Variants in KCNAB2 observed in about 807,000 individuals in gnomAD.
KCNAB2 encodes voltage-gated potassium channel subunit beta-2.
A neutral mutation model predicts 63.6 loss-of-function variants in KCNAB2; 29 were observed. The observed-to-expected ratio is 0.46, with a 90% CI of 0.34 to 0.62. The LOEUF is 0.62. KCNAB2 is among the 20% of genes least tolerant of loss of function. KCNAB2 has a pLI of 0.01. For synonymous variants in KCNAB2, 222 were observed against 224.2 expected (o/e 0.99, Z 0.09); for missense variants, 359 against 563.9 (o/e 0.64, Z 3.68).
At chr1:6,048,508 C>A (rs1661123873) in intron 1 of KCNAB2, among the ~76,000 whole-genome samples, 1 of 152,242 alleles carries the variant, frequency 6.6e-6, no homozygotes, top group South Asian at 2.1e-4. Flanking sequence ...AGAGCTGCCC[C>A]TGTCCAGAAG....
At chr1:6,007,331 G>C (rs920079467) in intron 1 of KCNAB2, 3 of 152,268 alleles carry the variant, frequency 2.0e-5, no homozygotes, top group African/African-American at 7.2e-5. Flanking sequence ...CCCATGTAAA[G>C]CAATGATCTC....
chr1:6,096,894 C>T lies in KCNAB2; in HGVS notation c.1069+138C>T. ...GGGATCCCTGGACATCATCCCCCAG[C>T]CAGCCTCGGGTAATCGGGCTCTAAG... On this transcript the variant is annotated intron_variant, in intron 14 of 15. Coordinates refer to ENST00000378083, the MANE Select transcript of KCNAB2 (RefSeq NM_001199862.2). The surrounding 1 kb of genome is among the most constrained non-coding windows in gnomAD (Gnocchi z 5.9). 1 of 1,197,868 alleles carries T rather than the reference C, an allele frequency of 8.3e-7. No homozygotes were observed. Among genetic ancestry groups the T allele is most frequent in the East Asian group, 2.6e-5 (1 of 37,938 alleles). 74.2% of individuals were successfully genotyped at this position (1,197,868 alleles called of 1,614,324 possible). A position where few individuals can be genotyped will look rare whatever the true frequency, so the allele number is the denominator to read the frequency against.
rs1319972035 is a variant in KCNAB2 at position 6,074,934 on chromosome 1, G to A, written c.300+1164G>A. On this transcript the variant is annotated intron_variant, in intron 4 of 15. Coordinates refer to ENST00000378083, the MANE Select transcript of KCNAB2 (RefSeq NM_001199862.2). This position sits in a 1 kb window ranked among gnomAD's most constrained non-coding sequence, Gnocchi z 4.9. Reference sequence around the variant, plus strand: ...ATATCACTGCACTCCAGCCTAGGCCGTAGAGTAAGACTCTGTCTCGAAAAA... The same window carrying A: ...ATATCACTGCACTCCAGCCTAGGCCATAGAGTAAGACTCTGTCTCGAAAAA... 6.8e-6 allele frequency among the ~76,000 whole-genome samples: 1 copy of A among 147,914 alleles called. No individual in the cohort carries two copies. The highest frequency in any genetic ancestry group is 1.5e-5 in the Non-Finnish European group (1 of 67,522).
At chr1:6,083,934 C>T (rs1664430351) in intron 5 of KCNAB2, among the ~76,000 whole-genome samples, 1 of 152,238 alleles carries the variant, frequency 6.6e-6, no homozygotes, top group Non-Finnish European at 1.5e-5. Context: ...CTCCTCTGCC[C>T]CAGAGATCGC....
chr1:6,060,995 C>A (rs1301825875), intron 2 of KCNAB2, among the ~76,000 whole-genome samples: 1 of 152,214 alleles, frequency 6.6e-6, no homozygotes, highest in African/African-American at 2.4e-5. Context: ...GGCATCCGCC[C>A]CCTTCCACTG....
At chr1:6,020,040 G>T (rs931894822) in intron 1 of KCNAB2, among the ~76,000 whole-genome samples, 1 of 152,198 alleles carries the variant, frequency 6.6e-6, no homozygotes, top group Non-Finnish European at 1.5e-5. Flanking sequence ...CACAGGTGGA[G>T]GTCTTGCGGA....
chr1:6,088,149 T>C (rs1664859398), intron 7 of KCNAB2, among the ~76,000 whole-genome samples: 1 of 151,954 alleles, frequency 6.6e-6, no homozygotes. Flanking sequence ...AGCTTCAAAC[T>C]CCTGGGCTCG....
chr1:6,096,178 C>T lies in KCNAB2; in HGVS notation c.949-458C>T. ...GGGTTCCAGGGCAACGTGGCCTGGCCCCCGACTCCTCCCATCCCATGGCAA... is the reference window on the plus strand; with the variant it reads ...GGGTTCCAGGGCAACGTGGCCTGGCTCCCGACTCCTCCCATCCCATGGCAA... On this transcript the variant is annotated intron_variant, in intron 13 of 15. Transcript: ENST00000378083. The surrounding 1 kb of genome is among the most constrained non-coding windows in gnomAD (Gnocchi z 5.9). The T allele has an allele frequency of 2.2e-6, 1 of 457,668 alleles. No individual in the cohort carries two copies. The highest frequency in any genetic ancestry group is 4.4e-6 in the Non-Finnish European group (1 of 228,142). The allele number at this position is 457,668 out of a possible 1,614,324, so 28.4% of individuals were successfully genotyped here.
chr1:5,999,438 C>G lies in KCNAB2; in HGVS notation c.-53+6650C>G, dbSNP rs550074524. Among the ~76,000 whole-genome samples, 3 of 152,198 alleles carry G rather than the reference C, an allele frequency of 2.0e-5. No individual in the cohort carries two copies. In the South Asian group the frequency reaches 6.2e-4, roughly 32 times the overall value. ...TCAGTCTGTCAGTGAACCTGCCCAC[C>G]TCTACTTCTTAAGGAAGCACACGAG... On this transcript the variant is annotated intron_variant, in intron 1 of 16. Transcript: ENST00000341524.
chr1:6,089,144 G>A lies in KCNAB2; in HGVS notation c.514+93G>A, dbSNP rs2100755974. ...GGCAGCACAGGGCCCGACCCCCCCAGTTAACCCACTGAGGGCCCAATCCCG... is the reference window on the plus strand; with the variant it reads ...GGCAGCACAGGGCCCGACCCCCCCAATTAACCCACTGAGGGCCCAATCCCG... On this transcript the variant is annotated intron_variant, in intron 8 of 15. Transcript: ENST00000378083. 4 of 1,339,496 alleles carry A rather than the reference G, an allele frequency of 3.0e-6. No individual in the cohort carries two copies. The African/African-American group carries it at 4.3e-5, about 15-fold the overall frequency. The allele number at this position is 1,339,496 out of a possible 1,614,324, so 83.0% of individuals were successfully genotyped here. A position where few individuals can be genotyped will look rare whatever the true frequency, so the allele number is the denominator to read the frequency against.
At chr1:6,036,475 C>T (rs1474209223) in intron 1 of KCNAB2, among the ~76,000 whole-genome samples, 1 of 152,114 alleles carries the variant, frequency 6.6e-6, no homozygotes, top group Non-Finnish European at 1.5e-5. Flanking sequence ...TGTACTCCAG[C>T]CTGGGTGACA....
chr1:6,041,948 G>C (rs1358733525), upstream of KCNAB2: 1 of 1,326,420 alleles, frequency 7.5e-7, no homozygotes, highest in African/African-American at 1.4e-5. Flanking sequence ...CACCCTTGCC[G>C]AGCAGGGTGT....
chr1:6,030,488 T>C (rs1192958632), upstream of KCNAB2, among the ~76,000 whole-genome samples: 1 of 151,976 alleles, frequency 6.6e-6, no homozygotes, highest in African/African-American at 2.4e-5. Context: ...TGTACGTGTG[T>C]CTGTGCATTG....
Position 6,034,954 on chromosome 1 carries a change from G to A in KCNAB2, c.-53+160G>A, listed in dbSNP as rs182197675. Among the ~76,000 whole-genome samples, 618 of 152,346 alleles carry A rather than the reference G, an allele frequency of 4.1e-3. 3 individuals are homozygous for A. The highest frequency in any genetic ancestry group is 6.4e-3 in the Non-Finnish European group (434 of 68,032). ...GAGACGAGTAGGTGGAGGAGAAGGC[G>A]TGTGAGCAGGTGACAGGCGCTGGGG... On this transcript the variant is annotated intron_variant, in intron 1 of 15. Coordinates refer to the KCNAB2 transcript ENST00000164247.
chr1:6,004,766 T>C (rs1023127991), intron 1 of KCNAB2, among the ~76,000 whole-genome samples: 31 of 152,288 alleles, frequency 2.0e-4, no homozygotes, highest in African/African-American at 7.2e-4. Flanking sequence ...GTAACTGGGA[T>C]TATGACTTGG....
chr1:6,032,195 GAAAACACCTCCACTGAGGGGTCAT>G (rs1484378499), upstream of KCNAB2, among the ~76,000 whole-genome samples: 91 of 152,266 alleles, frequency 6.0e-4, no homozygotes, highest in Middle Eastern at 3.4e-3. Flanking sequence ...CTGCAGTTGA[GAAAACACCTCCACTGAGGGGTCAT>G]AGGGGAACCG....
At chr1:6,026,295 G>A (rs2100356465) in intron 1 of KCNAB2, 1 of 152,434 alleles carries the variant, frequency 6.6e-6, no homozygotes, top group South Asian at 2.1e-4. Flanking sequence ...CAGCCCTGCG[G>A]CGGCAGTGCA....
intron 1 of KCNAB2, among the ~76,000 whole-genome samples, chr1:6,014,694 T>C (rs183362118): frequency 4.7e-4 from 71 of 152,248 alleles, no homozygotes; most frequent in Non-Finnish European, 7.4e-4. Context: ...GAAGTCACAG[T>C]TACCAGCAGG....
In KCNAB2 at chr1:6,004,968, TGAGG is replaced by T. The variant is rs1557920827; in HGVS notation, c.-53+12183_-53+12186del. 2.8e-4 allele frequency among the ~76,000 whole-genome samples: 38 copies of T among 134,290 alleles called. 1 individual carries two copies. Among genetic ancestry groups the T allele is most frequent in the African/African-American group, 1.0e-3 (37 of 35,456 alleles). 88.1% of individuals were successfully genotyped at this position (134,290 alleles called of 152,430 possible). ...GAGTGGGGGGATGTGGGAGCTGAGC[TGAGG>T]GATGAGGGTGCAGGCAGAGATCTGG... On this transcript the variant is annotated intron_variant, in intron 1 of 16. Coordinates refer to the KCNAB2 transcript ENST00000341524.
Sources: gnomAD v4.1 joint callset for allele counts (sites outside exome capture counted in the v4.1 genomes callset) on GRCh38, gnomAD v4.1.1 for gene constraint, Gnocchi (gnomAD v3.1) non-coding constraint, MANE v1.5 for transcripts, NCBI Gene and HGNC (gene_info 2026-07-23, HGNC 2026-07-21) for gene names.